The following SLC44A5 variants were observed in gnomAD, a reference collection of about 807,000 sequenced individuals.
The protein encoded by SLC44A5 is choline transporter-like protein 5.
SLC44A5 carries 57 observed loss-of-function variants against 101.8 expected under a neutral mutation model. The observed-to-expected ratio is 0.56, with a 90% CI of 0.45 to 0.70. SLC44A5 has a LOEUF of 0.70. Among genes scored for constraint, SLC44A5 ranks in the 30% least tolerant of loss-of-function variants. The probability of loss-of-function intolerance (pLI) is 0.00; values close to 1 mark genes in which losing one functional copy is unlikely to be tolerated. For synonymous variants in SLC44A5, 281 were observed against 290.9 expected (o/e 0.97, Z 0.35); for missense variants, 737 against 853.1 (o/e 0.86, Z 1.70).
At chr1:75,219,927 A>G in intron 14 of SLC44A5, 35 bp from the exon 15 acceptor site, 1 of 1,404,976 alleles carries the variant, frequency 7.1e-7, no homozygotes, top group Non-Finnish European at 1.0e-6. Context: ...TTCAATTGTT[A>G]AAACTAGAAA....
chr1:75,452,468 G>T (rs1189846960), intron 2 of SLC44A5, among the ~76,000 whole-genome samples: 1 of 152,106 alleles, frequency 6.6e-6, no homozygotes, highest in Non-Finnish European at 1.5e-5. Flanking sequence ...AGAGCCCACA[G>T]ACCCTGTAAA....
At chr1:75,518,574 T>C (rs1669957512) in intron 2 of SLC44A5, among the ~76,000 whole-genome samples, 1 of 152,070 alleles carries the variant, frequency 6.6e-6, no homozygotes. Context: ...AATAAACAAA[T>C]AAATAGAAAA....
the SLC44A5 span, among the ~76,000 whole-genome samples, chr1:75,646,368 C>A: frequency 6.6e-6 from 1 of 151,752 alleles, no homozygotes; most frequent in African/African-American, 2.4e-5. Context: ...AGTTGTATTC[C>A]TAGGTATTTT....
chr1:75,391,159 A>G (rs1661760454), intron 3 of SLC44A5, among the ~76,000 whole-genome samples: 1 of 152,186 alleles, frequency 6.6e-6, no homozygotes, highest in Non-Finnish European at 1.5e-5. Flanking sequence ...GAGAACTACA[A>G]GGAGAACTAC....
chr1:75,454,305 G>C (rs1666067607), intron 2 of SLC44A5, among the ~76,000 whole-genome samples: 1 of 152,002 alleles, frequency 6.6e-6, no homozygotes, highest in East Asian at 1.9e-4. Flanking sequence ...AATAACATAT[G>C]GTCATCTCAA....
At chr1:75,598,109 A>G (rs1375800073) in intron 1 of SLC44A5, among the ~76,000 whole-genome samples, 1 of 152,046 alleles carries the variant, frequency 6.6e-6, no homozygotes, top group African/African-American at 2.4e-5. Flanking sequence ...AAAAACCCAT[A>G]AAAAAGTAGG....
the SLC44A5 span, among the ~76,000 whole-genome samples, chr1:75,682,921 C>G: frequency 2.0e-5 from 3 of 152,068 alleles, no homozygotes; most frequent in African/African-American, 4.8e-5. Context: ...AAAAAACAAA[C>G]AACCCCATCA....
intron 2 of SLC44A5, 40 bp downstream of exon 2, chr1:75,541,395 A>C (rs1416891281): frequency 7.1e-7 from 1 of 1,418,026 alleles, no homozygotes; most frequent in African/African-American, 1.4e-5. Flanking sequence ...TTGGCACAAA[A>C]GTCCAGATCA....
the SLC44A5 span, among the ~76,000 whole-genome samples, chr1:75,626,225 G>T: frequency 6.6e-6 from 1 of 152,152 alleles, no homozygotes; most frequent in South Asian, 2.1e-4. Context: ...TCAGTGATCA[G>T]ATTCATCTAG....
At chr1:75,654,501 A>C in the SLC44A5 span, among the ~76,000 whole-genome samples, 1 of 152,214 alleles carries the variant, frequency 6.6e-6, no homozygotes, top group Non-Finnish European at 1.5e-5. Context: ...CAATAGAAAG[A>C]TACCAACAAA....
intron 2 of SLC44A5, among the ~76,000 whole-genome samples, chr1:75,535,506 T>A (rs1205331032): frequency 6.6e-6 from 1 of 152,166 alleles, no homozygotes; most frequent in African/African-American, 2.4e-5. Flanking sequence ...GATTCTCACC[T>A]TAGCCCCCTA....
intron 6 of SLC44A5, among the ~76,000 whole-genome samples, chr1:75,252,783 G>A (rs915732590): frequency 1.3e-5 from 2 of 152,166 alleles, no homozygotes; most frequent in African/African-American, 2.4e-5. Flanking sequence ...CAGAAAGAGG[G>A]CAGCAGTAAA....
chr1:75,384,287 T>A (rs1314681275), intron 3 of SLC44A5, among the ~76,000 whole-genome samples: 14 of 151,530 alleles, frequency 9.2e-5, no homozygotes, highest in African/African-American at 3.4e-4. Flanking sequence ...TCAAGACCCA[T>A]CAGTGTGCTG....
chr1:75,530,910 A>G (rs1670679347), intron 2 of SLC44A5, among the ~76,000 whole-genome samples: 1 of 152,226 alleles, frequency 6.6e-6, no homozygotes, highest in Non-Finnish European at 1.5e-5. Context: ...AAGGTTGGGC[A>G]TTTGAACAGA....
At position 75,489,118 on chromosome 1, in the gene SLC44A5, G is replaced by T. The variant is rs1408457494; in HGVS notation, c.13+52317C>A. On this transcript the variant is annotated intron_variant, in intron 2 of 23. Coordinates refer to ENST00000370859, the MANE Select transcript of SLC44A5 (RefSeq NM_001130058.2). ...CTGCCTCAGCCTCCCAAAGTGTTGG[G>T]ATTACAGGCCTGAAGTCAATTTTAA... is the stretch of plus-strand genomic sequence containing the variant. 2.6e-5 allele frequency among the ~76,000 whole-genome samples: 4 copies of T among 152,224 alleles called. No homozygotes were observed. In the South Asian group the frequency reaches 8.3e-4, roughly 32 times the overall value.
chr1:75,682,633 A>G, the SLC44A5 span, among the ~76,000 whole-genome samples: 5 of 151,904 alleles, frequency 3.3e-5, no homozygotes, highest in Non-Finnish European at 5.9e-5. Flanking sequence ...TAAACGTTAG[A>G]CCTAAAACCA....
chr1:75,592,384 G>A (rs645742), intron 1 of SLC44A5, among the ~76,000 whole-genome samples: 102,478 of 151,606 alleles, frequency 0.68, 34,932 homozygotes, highest in East Asian at 0.84. Flanking sequence ...CCAAAAAATT[G>A]AAAAATATGA....
the SLC44A5 span, among the ~76,000 whole-genome samples, chr1:75,689,839 C>A: frequency 6.6e-6 from 1 of 152,164 alleles, no homozygotes; most frequent in South Asian, 2.1e-4. Flanking sequence ...TTGGTCCTTG[C>A]TTGTTTAGCC....
intron 2 of SLC44A5, among the ~76,000 whole-genome samples, chr1:75,518,328 A>G (rs1168194769): frequency 6.6e-6 from 1 of 152,248 alleles, no homozygotes; most frequent in Non-Finnish European, 1.5e-5. Flanking sequence ...TATTTATAAT[A>G]CATATAAATA....
Sources: allele counts gnomAD v4.1 joint callset (sites outside exome capture counted in the v4.1 genomes callset), GRCh38; gene constraint gnomAD v4.1.1; transcripts MANE v1.5; gene names NCBI Gene and HGNC (gene_info 2026-07-23, HGNC 2026-07-21).